The following TNRC6A variants were observed in gnomAD, a reference collection of about 807,000 sequenced individuals.
TNRC6A encodes trinucleotide repeat-containing gene 6A protein.
A neutral mutation model predicts 221.2 loss-of-function variants in TNRC6A; 44 were observed. That is an observed-to-expected ratio of 0.20 (90% confidence interval 0.16 to 0.26). The LOEUF is 0.26. Among genes scored for constraint, TNRC6A ranks in the 10% least tolerant of loss-of-function variants. The pLI, the probability that TNRC6A is intolerant of heterozygous loss-of-function variation, is 1.00. For synonymous variants in TNRC6A, 847 were observed against 838.5 expected, an observed-to-expected ratio of 1.01 and a Z score of -0.18; for missense variants, 2,199 against 2,404.4, an observed-to-expected ratio of 0.91 and a Z score of 1.79.
At chr16:24,681,982 G>A (rs1327962052) in intron 2 of TNRC6A, among the ~76,000 whole-genome samples, 1 of 152,154 alleles carries the variant, frequency 6.6e-6, no homozygotes, top group Non-Finnish European at 1.5e-5. Context: ...GTCGATGAAA[G>A]CACCTCTGTT....
chr16:24,676,235 TG>T (rs2055418237), intron 2 of TNRC6A, among the ~76,000 whole-genome samples: 1 of 152,178 alleles, frequency 6.6e-6, no homozygotes, highest in Non-Finnish European at 1.5e-5. Context: ...TCAAGGTCAC[TG>T]ATGGCCTCCT....
chr16:24,736,841 A>T (rs1238486081), intron 2 of TNRC6A, among the ~76,000 whole-genome samples: 2 of 152,252 alleles, frequency 1.3e-5, no homozygotes, highest in Non-Finnish European at 2.9e-5. Flanking sequence ...AGGTTACAGT[A>T]ATTACAGGTC....
chr16:24,610,568 C>T (rs1899998884), intron 1 of TNRC6A: 2 of 152,436 alleles, frequency 1.3e-5, no homozygotes, highest in African/African-American at 2.4e-5. Flanking sequence ...CCTCGCTGGG[C>T]CCGTTGGAAG....
chr16:24,651,879 G>A (rs1043708160), intron 2 of TNRC6A, among the ~76,000 whole-genome samples: 3 of 149,940 alleles, frequency 2.0e-5, no homozygotes, highest in Non-Finnish European at 4.4e-5. Context: ...AGGGAGGATC[G>A]CTTGAGGTCA....
In TNRC6A at chr16:24,695,096, C is replaced by T. The variant is rs533957730; in HGVS notation, n.402+54087C>T. On this transcript the variant is annotated intron_variant and non_coding_transcript_variant, in intron 2 of 2. Coordinates refer to the TNRC6A transcript ENST00000566108. The stretch of plus-strand genomic sequence containing the variant: ...CATTGCTTGCTGGCACGGGAGTGTA[C>T]TGGGCCCTGTGCTAAGTTCTTCACG... Among the ~76,000 whole-genome samples, 10 of 152,254 alleles carry T rather than the reference C, an allele frequency of 6.6e-5. No individual in the cohort carries two copies. The South Asian group carries it at 1.7e-3, about 25-fold the overall frequency.
At chr16:24,798,888 G>T (rs777100709) in intron 11 of TNRC6A, among the ~76,000 whole-genome samples, 1 of 152,184 alleles carries the variant, frequency 6.6e-6, no homozygotes, top group Non-Finnish European at 1.5e-5. Flanking sequence ...AGATACAAGG[G>T]GAAGTAACTC....
chr16:24,817,559 A>G (rs1219066595), intron 20 of TNRC6A, among the ~76,000 whole-genome samples: 2 of 152,126 alleles, frequency 1.3e-5, no homozygotes, highest in East Asian at 3.9e-4. Flanking sequence ...AGCAAATAAA[A>G]TCCGATTACC....
intron 2 of TNRC6A, among the ~76,000 whole-genome samples, chr16:24,659,606 A>G (rs1483941067): frequency 6.6e-6 from 1 of 151,850 alleles, no homozygotes; most frequent in Non-Finnish European, 1.5e-5. Flanking sequence ...CTATGCCAGG[A>G]TAATGTTTGT....
At chr16:24,633,480 C>T (rs1179553157) in intron 1 of TNRC6A, among the ~76,000 whole-genome samples, 1 of 151,396 alleles carries the variant, frequency 6.6e-6, no homozygotes, top group African/African-American at 2.4e-5. Flanking sequence ...CTGCAATCTC[C>T]ACCTCCCGGG....
chr16:24,715,869 C>T (rs529684251), intron 2 of TNRC6A, among the ~76,000 whole-genome samples: 1 of 152,206 alleles, frequency 6.6e-6, no homozygotes, highest in Non-Finnish European at 1.5e-5. Context: ...GATCTGCCCA[C>T]CTTGGCCTCC....
intron 5 of TNRC6A, among the ~76,000 whole-genome samples, chr16:24,786,657 T>C (rs1259044397): frequency 6.6e-6 from 1 of 152,050 alleles, no homozygotes. Context: ...TTGTGTGAGA[T>C]TGGTACTAAT....
chr16:24,736,513 TAGG>T (rs757908429), intron 2 of TNRC6A, among the ~76,000 whole-genome samples: 45 of 152,330 alleles, frequency 3.0e-4, no homozygotes, highest in South Asian at 2.1e-4. Flanking sequence ...TCTCTTACAT[TAGG>T]AGCATTTTCC....
rs376856939 is a variant in TNRC6A at position 24,811,949 on chromosome 16, C to T, written c.4672+2468C>T. On this transcript the variant is annotated intron_variant, in intron 18 of 24. Transcript: ENST00000395799. ...AAAATTGTCGTGTAATAGAAGGAAC[C>T]GCTAGACCATAAACCAAACAGACCT... Among the ~76,000 whole-genome samples, 15 of 148,472 alleles carry T rather than the reference C, an allele frequency of 1.0e-4. No homozygotes were observed. In the East Asian group the frequency reaches 2.4e-3, roughly 24 times the overall value.
Position 24,793,549 on chromosome 16 carries a change from C to G in TNRC6A, c.3252C>G (p.Pro1084=). 1 of 1,575,200 alleles carries G rather than the reference C, an allele frequency of 6.3e-7. No homozygotes were observed. Among genetic ancestry groups the G allele is most frequent in the Non-Finnish European group, 8.6e-7 (1 of 1,159,892 alleles). The change falls in exon 7 of 25, where the codon CCC becomes CCG. Residue 1084 remains proline, a synonymous_variant. Coordinates refer to ENST00000395799, the MANE Select transcript of TNRC6A (RefSeq NM_014494.4). The part of the protein sequence containing the change: ...VDNGTSAWGK[P]IDSGPSWGEP... ...ATGGTACTTCAGCATGGGGTAAGCC[C>G]ATAGACAGTGGTCCCAGCTGGGGGG...
At chr16:24,632,881 T>C (rs997203455) in intron 1 of TNRC6A, among the ~76,000 whole-genome samples, 2 of 151,790 alleles carry the variant, frequency 1.3e-5, no homozygotes, top group African/African-American at 4.8e-5. Context: ...CGGTGGTGCA[T>C]GCATGTAATC....
chr16:24,629,822 T>G (rs1483766789), intron 1 of TNRC6A, among the ~76,000 whole-genome samples: 1 of 151,900 alleles, frequency 6.6e-6, no homozygotes, highest in Non-Finnish European at 1.5e-5. Flanking sequence ...GTACAAAAAG[T>G]AAGCTAGGTG....
intron 1 of TNRC6A, among the ~76,000 whole-genome samples, chr16:24,622,307 A>C (rs1211728949): frequency 6.6e-6 from 1 of 152,186 alleles, no homozygotes. Context: ...TTTTATTTCT[A>C]ATTGCAAAGA....
chr16:24,806,782 T>C lies in TNRC6A; in HGVS notation c.4538T>C (p.Ile1513Thr). ...SPINAFSNFP[I>T]GLNSNLNVNM... ...ATAAATGCTTTCAGCAACTTCCCTA[T>C]AGGTGGGTTTCTCCTTGGCCCAAGT... is the stretch of plus-strand genomic sequence containing the variant. Residue 1513 changes from isoleucine to threonine, a missense_variant and splice_region_variant, in exon 17 of 25, where the codon ATA (isoleucine) becomes ACA (threonine). By Grantham distance (89) the Ile-to-Thr change is moderately conservative. Around this residue, in one of 8 missense-constraint regions of TNRC6A, gnomAD observed 449 missense variants for 579.7 expected, o/e 0.77. Transcript: ENST00000395799. 6.2e-7 allele frequency: 1 copy of C among 1,614,148 alleles called. No homozygotes were observed. The highest frequency in any genetic ancestry group is 8.5e-7 in the Non-Finnish European group (1 of 1,180,016).
In TNRC6A at chr16:24,621,361, T is replaced by G. The variant is rs985630705; in HGVS notation, n.276+10877T>G. Among the ~76,000 whole-genome samples the G allele has an allele frequency of 5.6e-5, 8 of 143,122 alleles. No homozygotes were observed. In the South Asian group the frequency reaches 1.6e-3, roughly 28 times the overall value. 93.9% of individuals were successfully genotyped at this position (143,122 alleles called of 152,430 possible). A position where few individuals can be genotyped will look rare whatever the true frequency, so the allele number is the denominator to read the frequency against. Reference sequence around the variant, plus strand: ...GAATATGGTCTTTTTTTTTTTTTTTTTTTTTTTTAGACAGAGAGACAGAGT... The same window carrying G: ...GAATATGGTCTTTTTTTTTTTTTTTGTTTTTTTTAGACAGAGAGACAGAGT... On this transcript the variant is annotated intron_variant and non_coding_transcript_variant, in intron 1 of 2. Coordinates refer to the TNRC6A transcript ENST00000566108.
Sources: gnomAD v4.1 joint callset for allele counts (sites outside exome capture counted in the v4.1 genomes callset) on GRCh38, gnomAD v4.1.1 for gene constraint, gnomAD v4.1.1 regional missense constraint, MANE v1.5 for transcripts, NCBI Gene and HGNC (gene_info 2026-07-23, HGNC 2026-07-21) for gene names.